The following MFAP4 variants were observed in gnomAD, a reference collection of about 807,000 sequenced individuals.
MFAP4 encodes the protein microfibril-associated glycoprotein 4.
MFAP4 carries 20 observed loss-of-function variants against 32.4 expected under a neutral mutation model. The ratio of observed to expected loss-of-function variants is 0.62; its 90% CI spans 0.43 to 0.90. The LOEUF (loss-of-function observed/expected upper bound fraction) is 0.90. Among genes scored for constraint, MFAP4 ranks in the 40% least tolerant of loss-of-function variants. MFAP4 has a pLI of 0.00. For synonymous variants in MFAP4, 146 were observed against 137.4 expected (o/e 1.06, Z -0.44); for missense variants, 267 against 329.5 (o/e 0.81, Z 1.47).
chr17:19,386,091 A>G (rs1220795152), intron 3 of MFAP4, among the ~76,000 whole-genome samples: 1 of 152,240 alleles, frequency 6.6e-6, no homozygotes, highest in Non-Finnish European at 1.5e-5. Context: ...CACTGCACTC[A>G]AGCCTGGATG....
chr17:19,383,476 T>C lies in MFAP4; in HGVS notation c.*986A>G. The C allele has an allele frequency of 2.9e-6, 1 of 344,054 alleles. No individual in the cohort carries two copies. The highest frequency in any genetic ancestry group is 5.2e-6 in the Non-Finnish European group (1 of 192,782). 21.3% of individuals were successfully genotyped at this position (344,054 alleles called of 1,614,324 possible). ...GTATTATATTTTTATTATTATTATGTTATTATTACACTGTCTTTTTGCCAT... is the reference window on the plus strand; with the variant it reads ...GTATTATATTTTTATTATTATTATGCTATTATTACACTGTCTTTTTGCCAT... On this transcript the variant is annotated 3_prime_UTR_variant, in exon 6 of 6. Coordinates refer to ENST00000299610, the MANE Select transcript of MFAP4 (RefSeq NM_002404.3).
At position 19,386,416 on chromosome 17, in the gene MFAP4, T is replaced by C. The variant is rs1461552473; in HGVS notation, c.134A>G (p.Tyr45Cys). ...LQQPLDCDDI[Y>C]AQGYQSDGVY... ...GCCGTCTGACTGGTAGCCCTGGGCA[T>C]AGATGTCGTCACAGTCCAGGGGTTG... The change falls in exon 3 of 6, where the codon TAT (tyrosine) becomes TGT (cysteine). Residue 45 changes from tyrosine (Y) to cysteine (C), a missense_variant. By Grantham distance (194) the Tyr-to-Cys change is radical (BLOSUM62 -2). Transcript: ENST00000299610. The C allele has an allele frequency of 1.2e-6, 2 of 1,613,958 alleles. No homozygotes were observed. The highest frequency in any genetic ancestry group is 2.2e-5 in the East Asian group (1 of 44,868).
In MFAP4 at chr17:19,385,464, A is replaced by G; in HGVS notation, c.241-10T>C. On this transcript the variant is annotated splice_polypyrimidine_tract_variant and intron_variant, in intron 3 of 5. Transcript: ENST00000299610. The stretch of plus-strand genomic sequence containing the variant: ...ATCTCTTCTGGAAAACCTGGAGCAG[A>G]GAAGATGAGACTGGATCATCAAGGG... 6.2e-7 allele frequency: 1 copy of G among 1,613,808 alleles called. No homozygotes were observed. Among genetic ancestry groups the G allele is most frequent in the Non-Finnish European group, 8.5e-7 (1 of 1,179,680 alleles).
At position 19,387,132 on chromosome 17, in the gene MFAP4, C is replaced by G. The variant is rs756471363; in HGVS notation, c.6+18G>C. 1 of 1,611,980 alleles carries G rather than the reference C, an allele frequency of 6.2e-7. No individual in the cohort carries two copies. Among genetic ancestry groups the G allele is most frequent in the South Asian group, 1.1e-5 (1 of 90,974 alleles). The stretch of plus-strand genomic sequence containing the variant: ...CAGTTCCCCCATGCTATGAGTCCCC[C>G]GACCCTGGGCCCCGTACCTTCATGC... On this transcript the variant is annotated intron_variant, in intron 1 of 5. Coordinates refer to ENST00000299610, the MANE Select transcript of MFAP4 (RefSeq NM_002404.3).
rs1598121578 is a variant in MFAP4 at position 19,384,356 on chromosome 17, T to C, written c.*106A>G. ...AGCCACAAGGCCCCCTTGTAAGGAG[T>C]TGGTGCTCGGGAATCAGCAGAAGCA... On this transcript the variant is annotated 3_prime_UTR_variant, in exon 6 of 6. Coordinates refer to ENST00000299610, the MANE Select transcript of MFAP4 (RefSeq NM_002404.3). 7.5e-7 allele frequency: 1 copy of C among 1,337,814 alleles called. No individual in the cohort carries two copies. Among genetic ancestry groups the C allele is most frequent in the East Asian group, 2.5e-5 (1 of 39,352 alleles). 82.9% of individuals were successfully genotyped at this position (1,337,814 alleles called of 1,614,324 possible).
rs1912930234 is a variant in MFAP4, at chr17:19,384,059, T to C, written c.*403A>G. 1 of 287,478 alleles carries C rather than the reference T, an allele frequency of 3.5e-6. No individual in the cohort carries two copies. The highest frequency in any genetic ancestry group is 6.9e-6 in the Non-Finnish European group (1 of 145,020). The allele number at this position is 287,478 out of a possible 1,614,324, so 17.8% of individuals were successfully genotyped here. A position where few individuals can be genotyped will look rare whatever the true frequency, so the allele number is the denominator to read the frequency against. The stretch of plus-strand genomic sequence containing the variant: ...CACTGCACTGCTCAGCTTAGCACAC[T>C]AGGGTGGCCCAGACAGGGGTCCACA... On this transcript the variant is annotated 3_prime_UTR_variant, in exon 6 of 6. Coordinates refer to ENST00000299610, the MANE Select transcript of MFAP4 (RefSeq NM_002404.3).
At chr17:19,386,972 T>TGGCGGGGGCC in intron 1 of MFAP4, 134 bp from the exon 2 acceptor site, 4 of 937,006 alleles carry the variant, frequency 4.3e-6, no homozygotes, top group South Asian at 1.4e-5. Flanking sequence ...TGGCCCCTCT[T>TGGCGGGGGCC]CCCTGCCCCC....
chr17:19,383,556 AT>A lies in MFAP4; in HGVS notation c.*905del. 2 of 185,684 alleles carry A rather than the reference AT, an allele frequency of 1.1e-5. No homozygotes were observed. Among genetic ancestry groups the A allele is most frequent in the Non-Finnish European group, 2.2e-5 (2 of 90,770 alleles). 11.5% of individuals were successfully genotyped at this position (185,684 alleles called of 1,614,324 possible). ...CCTTCTGCACCTGACTCCAGGTGTA[AT>A]TTTTGGAGTTCGGGGTAGGACACCA... On this transcript the variant is annotated 3_prime_UTR_variant, in exon 6 of 6. Coordinates refer to ENST00000299610, the MANE Select transcript of MFAP4 (RefSeq NM_002404.3).
chr17:19,386,657 C>T, intron 2 of MFAP4, 103 bp downstream of exon 2: 1 of 1,360,834 alleles, frequency 7.3e-7, no homozygotes, highest in South Asian at 1.2e-5. Context: ...GAACCTGAGT[C>T]CTGCAGAGCT....
chr17:19,385,154 G>T lies in MFAP4; in HGVS notation c.465C>A (p.Ser155Arg), dbSNP rs779414154. 14 of 1,614,276 alleles carry T rather than the reference G, an allele frequency of 8.7e-6. No individual in the cohort carries two copies. The highest frequency in any genetic ancestry group is 1.7e-5 in the Admixed American group (1 of 60,038). Residue 155 changes from serine (S) to arginine (R), a missense_variant, in exon 5 of 6, where the codon AGC becomes AGA. Ser to Arg is a moderately radical substitution (Grantham distance 110). Coordinates refer to ENST00000299610, the MANE Select transcript of MFAP4 (RefSeq NM_002404.3). ...ADFSISPNAV[S>R]AEEDGYTLFV... ...AGAGGGTGTAGCCATCCTCCTCTGC[G>T]CTGACCGCGTTCGGGGAGATGGAGA...
intron 4 of MFAP4, 22 bp downstream of exon 4, chr17:19,385,336 G>T: frequency 6.2e-7 from 1 of 1,614,194 alleles, no homozygotes; most frequent in East Asian, 2.2e-5. Flanking sequence ...CAGCCCCTCA[G>T]CCCACCTGGT....
Position 19,384,458 on chromosome 17 carries a change from C to T in MFAP4, c.*4G>A. The T allele has an allele frequency of 6.4e-7, 1 of 1,563,682 alleles. No individual in the cohort carries two copies. The highest frequency in any genetic ancestry group is 1.9e-5 in the Admixed American group (1 of 52,428). ...GAGGAAAGGTGCCTGAGGGGGCCAG[C>T]CCTTCAGGCCCGGCGGATTTTCATC... On this transcript the variant is annotated 3_prime_UTR_variant, in exon 6 of 6. Coordinates refer to ENST00000299610, the MANE Select transcript of MFAP4 (RefSeq NM_002404.3).
chr17:19,386,212 T>C, intron 3 of MFAP4, 98 bp downstream of exon 3: 2 of 1,159,780 alleles, frequency 1.7e-6, no homozygotes, highest in Admixed American at 2.9e-5. Flanking sequence ...TTATCCCCAT[T>C]TTAAAGATGA....
chr17:19,385,292 G>C lies in MFAP4; in HGVS notation c.338-11C>G. The C allele has an allele frequency of 1.2e-6, 2 of 1,614,234 alleles. No individual in the cohort carries two copies. Among genetic ancestry groups the C allele is most frequent in the Non-Finnish European group, 1.7e-6 (2 of 1,180,026 alleles). The stretch of plus-strand genomic sequence containing the variant: ...GCATGTTCTGCAGCCCTGGGGAGGA[G>C]GGGCAGCTGGTCAACAAGGACCTGG... On this transcript the variant is annotated splice_polypyrimidine_tract_variant and intron_variant, in intron 4 of 5. Coordinates refer to ENST00000299610, the MANE Select transcript of MFAP4 (RefSeq NM_002404.3).
chr17:19,385,565 A>C, intron 3 of MFAP4, 111 bp from the exon 4 acceptor site: 16 of 583,300 alleles, frequency 2.7e-5, no homozygotes, highest in East Asian at 4.9e-5. Flanking sequence ...AGTTTGTTAA[A>C]GGACTGGGTT....
intron 1 of MFAP4, 116 bp downstream of exon 1, chr17:19,387,018 CGCTGTGTACCCTCATA>C (rs1156318158): frequency 6.5e-6 from 7 of 1,070,994 alleles, no homozygotes; most frequent in East Asian, 9.2e-5. Flanking sequence ...CTCTCTGGGA[CGCTGTGTACCCTCATA>C]GCTTACGAGT....
chr17:19,387,089 G>C (rs983876206), intron 1 of MFAP4, 61 bp downstream of exon 1: 5 of 1,612,594 alleles, frequency 3.1e-6, no homozygotes, highest in Non-Finnish European at 4.2e-6. Flanking sequence ...CTGTGGCCAG[G>C]GGCCTCTGGA....
chr17:19,386,985 A>AAAAC, intron 1 of MFAP4, 147 bp from the exon 2 acceptor site: 1 of 317,374 alleles, frequency 3.2e-6, no homozygotes, highest in Non-Finnish European at 6.1e-6. Context: ...CTGCCCCCCC[A>AAAAC]CCCCGCCCGC....
At chr17:19,386,518 C>A in intron 2 of MFAP4, 54 bp from the exon 3 acceptor site, 1 of 1,563,778 alleles carries the variant, frequency 6.4e-7, no homozygotes, top group Non-Finnish European at 8.7e-7. Context: ...GCATCACTGA[C>A]ACCTCAGCAC....
Sources: gnomAD v4.1 joint callset for allele counts (sites outside exome capture counted in the v4.1 genomes callset) on GRCh38, gnomAD v4.1.1 for gene constraint, MANE v1.5 for transcripts, NCBI Gene and HGNC (gene_info 2026-07-23, HGNC 2026-07-21) for gene names.